The following CACNA1I variants were observed in gnomAD, a reference collection of about 807,000 sequenced individuals.
The protein encoded by CACNA1I is calcium voltage-gated channel subunit alpha1 I, also known as voltage-dependent T-type calcium channel subunit alpha-1I.
In CACNA1I, 74 loss-of-function variants were observed where a neutral mutation model predicts 201.6. The ratio of observed to expected loss-of-function variants is 0.37; its 90% confidence interval spans 0.30 to 0.45. CACNA1I has a LOEUF of 0.45. CACNA1I is among the 20% of genes least tolerant of loss of function. CACNA1I has a pLI of 1.00. For synonymous variants in CACNA1I, 1,431 were observed against 1,345.2 expected (o/e 1.06, Z -1.40); for missense variants, 2,346 against 3,138.1 (o/e 0.75, Z 6.03).
chr22:39,686,151 C>T lies in CACNA1I; in HGVS notation c.6418C>T (p.Pro2140Ser). 3.1e-6 allele frequency: 4 copies of T among 1,280,524 alleles called. No individual in the cohort carries two copies. Among genetic ancestry groups the T allele is most frequent in the South Asian group, 2.5e-5 (1 of 39,336 alleles). The allele number at this position is 1,280,524 out of a possible 1,614,324, so 79.3% of individuals were successfully genotyped here. A position where few individuals can be genotyped will look rare whatever the true frequency, so the allele number is the denominator to read the frequency against. Residue 2140 changes from proline to serine, a missense_variant, in exon 37 of 37, where the codon CCC becomes TCC. This residue lies in a region of CACNA1I where 187 missense variants were observed against 151.0 expected (regional missense o/e 1.24). Transcript: ENST00000402142. ...GCTCACCTCCCTCTTCTGCCCGCCG[C>T]CCCCGCCGCCAGCCCCCGGCCTCAC... ...LSLTSLFCPP[P>S]PPPAPGLTPA...
chr22:39,653,179 C>T (rs533983384), intron 10 of CACNA1I, among the ~76,000 whole-genome samples: 13 of 136,290 alleles, frequency 9.5e-5, no homozygotes, highest in African/African-American at 2.8e-4. Context: ...GAGAACCTGG[C>T]GCTTAGTAGG....
chr22:39,670,679 G>A, intron 25 of CACNA1I, 124 bp from the exon 26 acceptor site: 1 of 881,860 alleles, frequency 1.1e-6, no homozygotes, highest in Admixed American at 1.8e-5. Context: ...AGGGCCTGGG[G>A]TGGATCAACA....
chr22:39,646,258 C>T (rs1342837749), intron 7 of CACNA1I, among the ~76,000 whole-genome samples: 1 of 152,088 alleles, frequency 6.6e-6, no homozygotes. Context: ...CCACTCGTCC[C>T]CTGCATCTCC....
chr22:39,639,187 A>C (rs1934294062), intron 5 of CACNA1I, among the ~76,000 whole-genome samples: 1 of 152,242 alleles, frequency 6.6e-6, no homozygotes, highest in Non-Finnish European at 1.5e-5. Flanking sequence ...TTACAATGGC[A>C]AAGTTGAGTC....
Position 39,640,954 on chromosome 22 carries a change from G to C in CACNA1I, c.828G>C (p.Gly276=). The C allele has an allele frequency of 6.2e-7, 1 of 1,614,034 alleles. No homozygotes were observed. The highest frequency in any genetic ancestry group is 8.5e-7 in the Non-Finnish European group (1 of 1,179,894). Residue 276 remains glycine (G), a synonymous_variant, in exon 6 of 37, where the codon GGG becomes GGC. Transcript: ENST00000402142. ...PFICSLSGDN[G]IMGCHEIPPL... ...TCTGCTCCCTGTCGGGCGACAATGG[G>C]ATAATGGGCTGCCATGAGATCCCCC...
chr22:39,610,986 G>A (rs1225821951), intron 3 of CACNA1I, among the ~76,000 whole-genome samples: 5 of 152,166 alleles, frequency 3.3e-5, no homozygotes, highest in Admixed American at 3.3e-4. Flanking sequence ...CCAGACGGAG[G>A]TGAAGGCTCA....
chr22:39,614,677 G>A (rs11705236), intron 3 of CACNA1I, among the ~76,000 whole-genome samples: 60,821 of 152,146 alleles, frequency 0.4, 13,229 homozygotes, highest in Non-Finnish European at 0.5. Flanking sequence ...ACCAGGCCTG[G>A]GTCTCTGGAC....
intron 1 of CACNA1I, among the ~76,000 whole-genome samples, chr22:39,572,023 A>C (rs1932200797): frequency 6.6e-6 from 1 of 152,134 alleles, no homozygotes; most frequent in South Asian, 2.1e-4. Context: ...CGAAGCCTGG[A>C]GAAGGGAGGA....
At chr22:39,591,313 C>G (rs953124277) in intron 1 of CACNA1I, among the ~76,000 whole-genome samples, 1 of 151,796 alleles carries the variant, frequency 6.6e-6, no homozygotes, top group South Asian at 2.1e-4. Flanking sequence ...AGATGCCCGC[C>G]ACCACGCCCA....
At chr22:39,605,180 C>G (rs146973977) in intron 3 of CACNA1I, among the ~76,000 whole-genome samples, 2 of 151,602 alleles carry the variant, frequency 1.3e-5, no homozygotes, top group African/African-American at 2.4e-5. Context: ...TCCTCTACCT[C>G]CCCTTCCCCA....
chr22:39,675,215 C>T (rs929842947), intron 29 of CACNA1I, among the ~76,000 whole-genome samples: 1 of 152,240 alleles, frequency 6.6e-6, no homozygotes, highest in Non-Finnish European at 1.5e-5. Flanking sequence ...TGAAGCATCG[C>T]TCCCTCAAGC....
chr22:39,668,445 A>G (rs1040423923), intron 24 of CACNA1I, 64 bp downstream of exon 24: 7 of 1,101,396 alleles, frequency 6.4e-6, no homozygotes, highest in Non-Finnish European at 8.3e-6. Flanking sequence ...CTTGGGGCCC[A>G]GTGGTTTGAA....
intron 31 of CACNA1I, 35 bp downstream of exon 31, chr22:39,678,143 C>A (rs764832512): frequency 6.2e-7 from 1 of 1,601,326 alleles, no homozygotes; most frequent in East Asian, 2.2e-5. Flanking sequence ...AGAAATCAGC[C>A]AGGTGCTGGG....
Position 39,665,515 on chromosome 22 carries a change from C to T in CACNA1I, c.3869C>T (p.Pro1290Leu), listed in dbSNP as rs1468688369. Residue 1290 changes from proline (P) to leucine (L), a missense_variant, in exon 22 of 37, where the codon CCG (proline) becomes CTG (leucine). Physicochemically the swap from Pro to Leu is moderately conservative, Grantham distance 98. Around this residue, in one of 13 missense-constraint regions of CACNA1I, gnomAD observed 14 missense variants for 53.7 expected, o/e 0.26. Coordinates refer to ENST00000402142, the MANE Select transcript of CACNA1I (RefSeq NM_021096.4). The surrounding 1 kb of genome is among the most constrained non-coding windows in gnomAD (Gnocchi z 5.5). ...LRPLRVISRA[P>L]GLKLVVETLI... ...GCCGTCAGTGTCATCAGCCGGGCGC[C>T]GGGCCTGAAGCTGGTGGTGGAGACA... 1.9e-6 allele frequency: 3 copies of T among 1,613,642 alleles called. No homozygotes were observed. The highest frequency in any genetic ancestry group is 1.3e-5 in the African/African-American group (1 of 74,908).
intron 5 of CACNA1I, among the ~76,000 whole-genome samples, chr22:39,637,930 T>A (rs1934260080): frequency 6.6e-6 from 1 of 152,172 alleles, no homozygotes; most frequent in South Asian, 2.1e-4. Flanking sequence ...GGTTTGTAGA[T>A]GGAGTCAAGA....
intron 10 of CACNA1I, among the ~76,000 whole-genome samples, chr22:39,650,132 C>T (rs183417244): frequency 4.6e-5 from 7 of 152,012 alleles, no homozygotes; most frequent in African/African-American, 1.2e-4. Context: ...GGGTGTCTGC[C>T]GAATGAATGA....
intron 1 of CACNA1I, among the ~76,000 whole-genome samples, chr22:39,579,468 G>T (rs905082854): frequency 1.3e-5 from 2 of 152,172 alleles, no homozygotes; most frequent in Non-Finnish European, 2.9e-5. Context: ...CCCGAGGGTG[G>T]GTAGTTTATA....
intron 3 of CACNA1I, among the ~76,000 whole-genome samples, chr22:39,602,954 C>G (rs1454644671): frequency 1.3e-5 from 2 of 152,010 alleles, no homozygotes; most frequent in Non-Finnish European, 2.9e-5. Flanking sequence ...GAGTTTGAGA[C>G]CAGCCTGGGC....
At chr22:39,606,602 G>A (rs932183458) in intron 3 of CACNA1I, among the ~76,000 whole-genome samples, 2 of 152,008 alleles carry the variant, frequency 1.3e-5, no homozygotes, top group Admixed American at 6.5e-5. Context: ...GCGCCATCTC[G>A]GCTCACTACA....
Sources: allele counts gnomAD v4.1 joint callset (sites outside exome capture counted in the v4.1 genomes callset), GRCh38; gene constraint gnomAD v4.1.1; regional missense constraint gnomAD v4.1.1; non-coding constraint Gnocchi (gnomAD v3.1); transcripts MANE v1.5; gene names NCBI Gene and HGNC (gene_info 2026-07-23, HGNC 2026-07-21).